Variants in KCTD3 observed in about 807,000 individuals in gnomAD.
The protein encoded by KCTD3 is BTB/POZ domain-containing protein KCTD3.
Under a neutral mutation model 85.8 loss-of-function variants are expected in KCTD3, and 41 were observed. The observed-to-expected ratio is 0.48, with a 90% CI of 0.37 to 0.62. The LOEUF (loss-of-function observed/expected upper bound fraction) is 0.62, where lower values mean the gene tolerates loss of function less well. Ranked by LOEUF, KCTD3 falls within the 20% of genes least tolerant of loss-of-function variation. The pLI, the probability that KCTD3 is intolerant of heterozygous loss-of-function variation, is 0.00. For missense variants in KCTD3, 724 were observed against 989.9 expected (o/e 0.73, Z 3.60); for synonymous variants, 338 against 345.4 (o/e 0.98, Z 0.24).
chr1:215,601,666 T>G (rs1339814049), intron 10 of KCTD3, among the ~76,000 whole-genome samples: 1 of 152,048 alleles, frequency 6.6e-6, no homozygotes, highest in Non-Finnish European at 1.5e-5. Context: ...TTGAAGGAAG[T>G]ATATTGATGG....
chr1:215,610,577 C>T (rs975227500), intron 14 of KCTD3, among the ~76,000 whole-genome samples: 3 of 151,828 alleles, frequency 2.0e-5, no homozygotes, highest in Admixed American at 6.6e-5. Context: ...TATTCATTGT[C>T]AATATTTTGA....
intron 9 of KCTD3, among the ~76,000 whole-genome samples, chr1:215,592,624 T>C (rs1660267065): frequency 6.6e-6 from 1 of 152,214 alleles, no homozygotes; most frequent in Non-Finnish European, 1.5e-5. Flanking sequence ...CAAAGGCTAA[T>C]GTGATAGGTA....
At position 215,578,091 on chromosome 1, in the gene KCTD3, C is replaced by T; in HGVS notation, c.397+10C>T. On this transcript the variant is annotated intron_variant, in intron 6 of 17. Coordinates refer to ENST00000259154, the MANE Select transcript of KCTD3 (RefSeq NM_016121.5). ...TACTTGCCCCCACCAGGTATTTTCA[C>T]TTTATTAAATCTTTTAAAAAATTCC... 1 of 1,606,194 alleles carries T rather than the reference C, an allele frequency of 6.2e-7. No homozygotes were observed. The highest frequency in any genetic ancestry group is 8.5e-7 in the Non-Finnish European group (1 of 1,175,220).
intron 14 of KCTD3, among the ~76,000 whole-genome samples, chr1:215,608,897 C>T (rs377475272): frequency 6.6e-6 from 1 of 151,986 alleles, no homozygotes. Flanking sequence ...AATCCCAGTT[C>T]TCTGCATGAT....
At chr1:215,607,022 A>T (rs1197629556) in intron 13 of KCTD3, among the ~76,000 whole-genome samples, 1 of 152,002 alleles carries the variant, frequency 6.6e-6, no homozygotes, top group Non-Finnish European at 1.5e-5. Context: ...CTGACAGTCT[A>T]ATAATTGAGA....
intron 1 of KCTD3, among the ~76,000 whole-genome samples, chr1:215,571,629 CTTT>C (rs563959943): frequency 2.1e-5 from 3 of 141,800 alleles, no homozygotes; most frequent in Admixed American, 7.1e-5. Flanking sequence ...TGGAGATAAA[CTTT>C]TTTTTTTTTT....
At chr1:215,589,984 G>A (rs1660150702) in intron 9 of KCTD3, among the ~76,000 whole-genome samples, 2 of 152,204 alleles carry the variant, frequency 1.3e-5, no homozygotes, top group African/African-American at 2.4e-5. Context: ...TATGGAAAGT[G>A]TATGTTTAAG....
Position 215,620,760 on chromosome 1 carries a change from G to T in KCTD3, c.*142G>T. 1 of 576,868 alleles carries T rather than the reference G, an allele frequency of 1.7e-6. No homozygotes were observed. The highest frequency in any genetic ancestry group is 3.2e-5 in the South Asian group (1 of 30,856). The allele number at this position is 576,868 out of a possible 1,614,324, so 35.7% of individuals were successfully genotyped here. A position where few individuals can be genotyped will look rare whatever the true frequency, so the allele number is the denominator to read the frequency against. ...AGTATCTTTTTAACAGAATTACTTG[G>T]AATAATGAGATACAATAATCATATC... On this transcript the variant is annotated 3_prime_UTR_variant, in exon 18 of 18. Coordinates refer to ENST00000259154, the MANE Select transcript of KCTD3 (RefSeq NM_016121.5).
chr1:215,609,611 A>C (rs1655156528), intron 14 of KCTD3, among the ~76,000 whole-genome samples: 1 of 151,942 alleles, frequency 6.6e-6, no homozygotes. Flanking sequence ...GAAGCAAGGA[A>C]ACCAGAAAGG....
chr1:215,604,043 G>T (rs1020811564), intron 12 of KCTD3, 89 bp from the exon 13 acceptor site: 2 of 983,974 alleles, frequency 2.0e-6, no homozygotes, highest in South Asian at 1.8e-5. Context: ...ATCCAGCTCT[G>T]CCTATTTTAT....
chr1:215,605,348 C>G (rs1654974155), intron 13 of KCTD3, among the ~76,000 whole-genome samples: 1 of 152,006 alleles, frequency 6.6e-6, no homozygotes, highest in Non-Finnish European at 1.5e-5. Flanking sequence ...TATAAGTATG[C>G]CTTGCTAAAA....
In KCTD3 at chr1:215,579,896, C is replaced by T. The variant is rs1433521278; in HGVS notation, c.536-13C>T. 3 of 1,598,134 alleles carry T rather than the reference C, an allele frequency of 1.9e-6. No homozygotes were observed. Among genetic ancestry groups the T allele is most frequent in the Non-Finnish European group, 2.6e-6 (3 of 1,166,086 alleles). Reference sequence around the variant, plus strand: ...TTTAGAATGTAAAATATTTCTTTTTCCAAAATCAACAGGATTTCCTGTGGA... The same window carrying T: ...TTTAGAATGTAAAATATTTCTTTTTTCAAAATCAACAGGATTTCCTGTGGA... On this transcript the variant is annotated splice_polypyrimidine_tract_variant and intron_variant, in intron 7 of 17. Coordinates refer to ENST00000259154, the MANE Select transcript of KCTD3 (RefSeq NM_016121.5).
chr1:215,578,975 A>T (rs1252653083), intron 6 of KCTD3, 25 bp from the exon 7 acceptor site: 1 of 1,478,856 alleles, frequency 6.8e-7, no homozygotes, highest in South Asian at 1.3e-5. Context: ...TTAGGAATGT[A>T]TTTGTTTTCT....
intron 3 of KCTD3, among the ~76,000 whole-genome samples, chr1:215,574,893 G>A (rs1363750485): frequency 1.3e-5 from 2 of 152,096 alleles, no homozygotes; most frequent in Non-Finnish European, 2.9e-5. Flanking sequence ...AAGATGTTCC[G>A]TTTTTATGGC....
At chr1:215,570,773 C>T (rs1465924844) in intron 1 of KCTD3, among the ~76,000 whole-genome samples, 1 of 152,158 alleles carries the variant, frequency 6.6e-6, no homozygotes, top group Non-Finnish European at 1.5e-5. Context: ...TGAAGTATAA[C>T]TGTGGGTATG....
chr1:215,577,626 A>G lies in KCTD3; in HGVS notation c.258-44A>G, dbSNP rs765002707. 6.5e-6 allele frequency: 8 copies of G among 1,234,850 alleles called. No individual in the cohort carries two copies. In the East Asian group the frequency reaches 1.9e-4, roughly 29 times the overall value. The allele number at this position is 1,234,850 out of a possible 1,614,324, so 76.5% of individuals were successfully genotyped here. ...TTCCTTTCATGTCAGATGATAATACAGGTTTCCAGTGTTAGAGAATTTACA... is the reference window on the plus strand; with the variant it reads ...TTCCTTTCATGTCAGATGATAATACGGGTTTCCAGTGTTAGAGAATTTACA... On this transcript the variant is annotated intron_variant, in intron 4 of 17. Coordinates refer to ENST00000259154, the MANE Select transcript of KCTD3 (RefSeq NM_016121.5).
intron 12 of KCTD3, 131 bp downstream of exon 12, chr1:215,602,332 A>T: frequency 2.0e-6 from 1 of 508,438 alleles, no homozygotes; most frequent in Non-Finnish European, 3.5e-6. Flanking sequence ...TTTCATCTCT[A>T]CTAAGTCTAA....
At chr1:215,616,476 C>T (rs1655453375) in intron 15 of KCTD3, among the ~76,000 whole-genome samples, 1 of 152,066 alleles carries the variant, frequency 6.6e-6, no homozygotes, top group Non-Finnish European at 1.5e-5. Context: ...TTAAAAACTT[C>T]CAGGCCGGGT....
intron 8 of KCTD3, among the ~76,000 whole-genome samples, chr1:215,581,898 G>A (rs1659838971): frequency 6.6e-6 from 1 of 152,164 alleles, no homozygotes; most frequent in Non-Finnish European, 1.5e-5. Flanking sequence ...TCAAGTTTTT[G>A]TATCAGTAAG....
Sources: gnomAD v4.1 joint callset for allele counts (sites outside exome capture counted in the v4.1 genomes callset) on GRCh38, gnomAD v4.1.1 for gene constraint, MANE v1.5 for transcripts, NCBI Gene and HGNC (gene_info 2026-07-23, HGNC 2026-07-21) for gene names.